Variants in EDC3 observed in about 807,000 individuals in gnomAD.
The protein encoded by EDC3 is enhancer of mRNA decapping 3.
A neutral mutation model predicts 41.8 loss-of-function variants in EDC3; 20 were observed. The observed-to-expected ratio is 0.48, with a 90% CI of 0.34 to 0.70. The LOEUF (loss-of-function observed/expected upper bound fraction) is 0.70, where lower values mean the gene tolerates loss of function less well. Among genes scored for constraint, EDC3 ranks in the 30% least tolerant of loss-of-function variants. The pLI, the probability that EDC3 is intolerant of heterozygous loss-of-function variation, is 0.01. For synonymous variants in EDC3, 206 were observed against 243.2 expected, an observed-to-expected ratio of 0.85 and a Z score of 1.42; for missense variants, 444 against 636.8, an observed-to-expected ratio of 0.70 and a Z score of 3.26.
At chr15:74,638,394 T>C (rs539331800) in intron 5 of EDC3, 1 of 144,142 alleles carries the variant, frequency 6.9e-6, no homozygotes, top group Non-Finnish European at 1.5e-5. Flanking sequence ...AGTGCAGTGG[T>C]GTGATCTCAG....
At chr15:74,690,564 G>A (rs567364167) in intron 1 of EDC3, among the ~76,000 whole-genome samples, 1 of 152,358 alleles carries the variant, frequency 6.6e-6, no homozygotes, top group South Asian at 2.1e-4. Flanking sequence ...TGAGTGAGTA[G>A]TTATAGATTT....
At chr15:74,669,708 G>A (rs1232939875) in intron 3 of EDC3, among the ~76,000 whole-genome samples, 1 of 151,956 alleles carries the variant, frequency 6.6e-6, no homozygotes, top group Non-Finnish European at 1.5e-5. Context: ...GAAGTATCCG[G>A]AATTTTATGT....
chr15:74,643,130 A>G (rs953924556), intron 4 of EDC3: 1 of 152,194 alleles, frequency 6.6e-6, no homozygotes, highest in Middle Eastern at 3.2e-3. Context: ...AAGTCCAACA[A>G]GTTGGACTGG....
Position 74,655,849 on chromosome 15 carries a change from C to A in EDC3, c.704G>T (p.Gly235Val). ...CCGAGTGGGCCTTTCATTTGGGATG[C>A]CCCGGGAACGGGTACCACTTCTCCT... is the stretch of plus-strand genomic sequence containing the variant. Reference protein sequence around the residue: ...YERRSGTRSRGIPNERPTRYR... With the variant: ...YERRSGTRSRVIPNERPTRYR... Residue 235 changes from glycine to valine, a missense_variant, in exon 4 of 7, where the codon GGC (glycine) becomes GTC (valine). This residue lies in a region of EDC3 where 242 missense variants were observed against 363.8 expected (regional missense o/e 0.67). Coordinates refer to ENST00000315127, the MANE Select transcript of EDC3 (RefSeq NM_025083.5). 6.2e-7 allele frequency: 1 copy of A among 1,614,074 alleles called. No homozygotes were observed. Among genetic ancestry groups the A allele is most frequent in the Non-Finnish European group, 8.5e-7 (1 of 1,180,026 alleles).
At chr15:74,659,750 A>T (rs1472885065) in intron 3 of EDC3, among the ~76,000 whole-genome samples, 3 of 151,516 alleles carry the variant, frequency 2.0e-5, no homozygotes, top group Admixed American at 1.3e-4. Flanking sequence ...CTGGCTAAAA[A>T]ATAAAATAAA....
intron 4 of EDC3, among the ~76,000 whole-genome samples, chr15:74,650,389 C>T (rs746233252): frequency 2.4e-4 from 36 of 152,198 alleles, no homozygotes; most frequent in Non-Finnish European, 4.4e-4. Flanking sequence ...ATACTATTCA[C>T]CTGCACCTGC....
At chr15:74,681,183 T>G (rs1053849759) in intron 1 of EDC3, among the ~76,000 whole-genome samples, 1 of 152,180 alleles carries the variant, frequency 6.6e-6, no homozygotes, top group Non-Finnish European at 1.5e-5. Context: ...AGACGGAGAC[T>G]CACTTTGTCG....
chr15:74,689,459 T>C (rs1195356577), intron 1 of EDC3, among the ~76,000 whole-genome samples: 1 of 152,254 alleles, frequency 6.6e-6, no homozygotes, highest in Non-Finnish European at 1.5e-5. Context: ...TGAATTACTA[T>C]TCAGTCAAGA....
chr15:74,652,229 TC>T (rs958714914), intron 4 of EDC3, among the ~76,000 whole-genome samples: 28 of 151,288 alleles, frequency 1.9e-4, no homozygotes, highest in African/African-American at 5.9e-4. Context: ...CTTATATTTT[TC>T]CTTTTTTTTT....
In EDC3 at chr15:74,632,298, T is replaced by TTCGACTTCATGCACAGG; in HGVS notation, c.*313_*314insCCTGTGCATGAAGTCGA. 1 of 392,714 alleles carries TTCGACTTCATGCACAGG rather than the reference T, an allele frequency of 2.5e-6. No individual in the cohort carries two copies. The highest frequency in any genetic ancestry group is 3.9e-5 in the Admixed American group (1 of 25,464). 24.3% of individuals were successfully genotyped at this position (392,714 alleles called of 1,614,324 possible). On this transcript the variant is annotated 3_prime_UTR_variant, in exon 7 of 7. Coordinates refer to ENST00000315127, the MANE Select transcript of EDC3 (RefSeq NM_025083.5). This position sits in a 1 kb window ranked among gnomAD's most constrained non-coding sequence, Gnocchi z 4.0. ...TGTGTGTGCCCAGGCCCAGTGGCTG[T>TTCGACTTCATGCACAGG]AAACCTGAAACACAGTCTTGAGAGC...
intron 2 of EDC3, among the ~76,000 whole-genome samples, chr15:74,674,441 C>G (rs955448327): frequency 8.5e-5 from 13 of 152,162 alleles, no homozygotes; most frequent in African/African-American, 2.9e-4. Flanking sequence ...GATTGAGATA[C>G]TGTCAGTGAA....
Position 74,671,538 on chromosome 15 carries a change from T to C in EDC3, c.401A>G (p.Gln134Arg), listed in dbSNP as rs1407717522. Residue 134 changes from glutamine (Q) to arginine (R), a missense_variant, in exon 3 of 7, where the codon CAG becomes CGG. This residue lies in a region of EDC3 where 200 missense variants were observed against 244.0 expected (regional missense o/e 0.82). Transcript: ENST00000315127. The surrounding 1 kb of genome is among the most constrained non-coding windows in gnomAD (Gnocchi z 4.6). ...GACATAGCTCTTTGAGCACTGTTGC[T>C]GCTGCGGGGAAACGGCAACATCCTG... ...KSQDVAVSPQ[Q>R]QQCSKSYVDR... 1 of 1,614,202 alleles carries C rather than the reference T, an allele frequency of 6.2e-7. No individual in the cohort carries two copies. Among genetic ancestry groups the C allele is most frequent in the South Asian group, 1.1e-5 (1 of 91,086 alleles).
At chr15:74,639,688 C>T (rs954635822) in intron 5 of EDC3, 14 of 150,256 alleles carry the variant, frequency 9.3e-5, no homozygotes, top group African/African-American at 3.4e-4. Flanking sequence ...GTGCTCCAGC[C>T]TGGGTGACAG....
intron 4 of EDC3, among the ~76,000 whole-genome samples, chr15:74,654,459 T>C (rs2062520347): frequency 6.6e-6 from 1 of 152,174 alleles, no homozygotes; most frequent in African/African-American, 2.4e-5. Context: ...ACTTAACAGA[T>C]GATAACTGCC....
intron 4 of EDC3, among the ~76,000 whole-genome samples, chr15:74,651,976 A>C (rs1267429085): frequency 3.9e-5 from 6 of 152,214 alleles, no homozygotes; most frequent in Non-Finnish European, 7.3e-5. Flanking sequence ...TACACTGTAG[A>C]ATACTGGTTG....
chr15:74,681,146 A>G (rs933656374), intron 1 of EDC3, among the ~76,000 whole-genome samples: 3 of 152,190 alleles, frequency 2.0e-5, no homozygotes, highest in Non-Finnish European at 2.9e-5. Context: ...CAAAGAAACT[A>G]AAATAGCTAA....
intron 3 of EDC3, among the ~76,000 whole-genome samples, chr15:74,664,300 T>A (rs1387541062): frequency 1.3e-5 from 2 of 152,396 alleles, no homozygotes; most frequent in South Asian, 2.1e-4. Flanking sequence ...AGGGCCTGGC[T>A]CTGCATTAAA....
At chr15:74,646,478 A>G (rs922990933) in intron 4 of EDC3, among the ~76,000 whole-genome samples, 19 of 152,252 alleles carry the variant, frequency 1.2e-4, no homozygotes, top group Non-Finnish European at 2.1e-4. Flanking sequence ...AGTGCAAAGT[A>G]TCAATTTCAA....
intron 5 of EDC3, chr15:74,638,842 CT>C (rs1328404243): frequency 6.6e-6 from 1 of 151,878 alleles, no homozygotes; most frequent in Non-Finnish European, 1.5e-5. Context: ...TTTCCATTAC[CT>C]CTAAAATCCA....
Sources: gnomAD v4.1 joint callset for allele counts (sites outside exome capture counted in the v4.1 genomes callset) on GRCh38, gnomAD v4.1.1 for gene constraint, gnomAD v4.1.1 regional missense constraint, Gnocchi (gnomAD v3.1) non-coding constraint, MANE v1.5 for transcripts, NCBI Gene and HGNC (gene_info 2026-07-23, HGNC 2026-07-21) for gene names.